Variants in NPAS3 observed in about 807,000 individuals in gnomAD.
The protein encoded by NPAS3 is neuronal PAS domain-containing protein 3.
A neutral mutation model predicts 73.1 loss-of-function variants in NPAS3; 14 were observed. The ratio of observed to expected loss-of-function variants is 0.19; its 90% CI spans 0.13 to 0.30. The LOEUF is 0.30. NPAS3 is among the 10% of genes least tolerant of loss of function. The pLI is 1.00. For missense variants in NPAS3, 1,096 were observed against 1,250.0 expected (o/e 0.88, Z 1.86); for synonymous variants, 620 against 541.5 (o/e 1.14, Z -2.01).
intron 1 of NPAS3, among the ~76,000 whole-genome samples, chr14:33,038,553 A>AT: frequency 6.6e-6 from 1 of 151,984 alleles, no homozygotes; most frequent in Non-Finnish European, 1.5e-5. Context: ...ATATATATAT[A>AT]AAATGATATA....
At chr14:33,259,647 A>T (rs1333327490) in intron 3 of NPAS3, among the ~76,000 whole-genome samples, 1 of 152,146 alleles carries the variant, frequency 6.6e-6, no homozygotes, top group East Asian at 1.9e-4. Context: ...ATTTTAATAG[A>T]TTTTGTTCAT....
intron 9 of NPAS3, among the ~76,000 whole-genome samples, chr14:33,784,093 C>T (rs1259570479): frequency 1.3e-5 from 2 of 152,166 alleles, no homozygotes; most frequent in African/African-American, 4.8e-5. Context: ...TAAATATCAA[C>T]AGGAAAAATT....
intron 1 of NPAS3, among the ~76,000 whole-genome samples, chr14:32,974,728 C>G (rs528171504): frequency 1.2e-4 from 19 of 152,220 alleles, no homozygotes; most frequent in African/African-American, 3.6e-4. Context: ...GAGGTCCAGC[C>G]ACTTTCTTAC....
intron 3 of NPAS3, among the ~76,000 whole-genome samples, chr14:33,340,421 G>T (rs1030900579): frequency 1.3e-5 from 2 of 152,174 alleles, no homozygotes; most frequent in African/African-American, 4.8e-5. Flanking sequence ...CTTGAACCTG[G>T]GAGGCAGAGG....
At chr14:33,492,164 A>C (rs2051930006) in intron 4 of NPAS3, among the ~76,000 whole-genome samples, 1 of 152,166 alleles carries the variant, frequency 6.6e-6, no homozygotes, top group African/African-American at 2.4e-5. Context: ...GTGTAACCCC[A>C]TTAACATTAA....
intron 5 of NPAS3, among the ~76,000 whole-genome samples, chr14:33,631,866 T>C (rs1231068616): frequency 6.6e-6 from 1 of 152,248 alleles, no homozygotes; most frequent in Non-Finnish European, 1.5e-5. Flanking sequence ...AGCAGCAGGA[T>C]ACATTTGCGT....
intron 3 of NPAS3, among the ~76,000 whole-genome samples, chr14:33,236,808 A>G (rs907140986): frequency 6.6e-6 from 1 of 152,146 alleles, no homozygotes; most frequent in Admixed American, 6.6e-5. Flanking sequence ...TCAAAGATAT[A>G]TTCAAACAGT....
chr14:33,295,533 C>T (rs1018123442), intron 3 of NPAS3, among the ~76,000 whole-genome samples: 5 of 152,148 alleles, frequency 3.3e-5, no homozygotes, highest in African/African-American at 1.2e-4. Flanking sequence ...TAGTTATACA[C>T]AAGGAAGAGC....
intron 3 of NPAS3, among the ~76,000 whole-genome samples, chr14:33,240,805 C>A (rs949209079): frequency 6.6e-6 from 1 of 151,892 alleles, no homozygotes; most frequent in African/African-American, 2.4e-5. Context: ...TCTGTTACAG[C>A]CTTTTAATTT....
intron 2 of NPAS3, among the ~76,000 whole-genome samples, chr14:33,139,180 C>A (rs2043951885): frequency 6.6e-6 from 1 of 152,122 alleles, no homozygotes. Context: ...TCACAAATGG[C>A]TTGTCAAGCA....
chr14:33,233,596 T>C lies in NPAS3; in HGVS notation c.385+18170T>C, dbSNP rs183018576. Reference sequence around the variant, plus strand: ...CATTTAATCAAGTAGCAAAAGTAGATAAATAAACATACTGAGTTAATTATT... The same window carrying C: ...CATTTAATCAAGTAGCAAAAGTAGACAAATAAACATACTGAGTTAATTATT... On this transcript the variant is annotated intron_variant, in intron 3 of 11. Transcript: ENST00000356141. 3.5e-3 allele frequency among the ~76,000 whole-genome samples: 531 copies of C among 152,252 alleles called. 2 individuals carry two copies. The highest frequency in any genetic ancestry group is 0.012 in the African/African-American group (496 of 41,560).
chr14:33,779,439 T>C (rs12882349), intron 9 of NPAS3, among the ~76,000 whole-genome samples: 84,379 of 151,946 alleles, frequency 0.56, 23,740 homozygotes, highest in Admixed American at 0.63. Flanking sequence ...GAGTCTCCCC[T>C]ACCCCCTATC....
chr14:33,397,221 G>T (rs2047262822), intron 4 of NPAS3, among the ~76,000 whole-genome samples: 1 of 152,174 alleles, frequency 6.6e-6, no homozygotes, highest in African/African-American at 2.4e-5. Context: ...ACTCCTGGAA[G>T]AGAGGCTTAT....
chr14:33,197,829 T>C (rs1216039563), intron 2 of NPAS3, among the ~76,000 whole-genome samples: 1 of 152,248 alleles, frequency 6.6e-6, no homozygotes. Flanking sequence ...AACTGCTGTG[T>C]CCCACATTGG....
intron 4 of NPAS3, among the ~76,000 whole-genome samples, chr14:33,499,834 G>A (rs1439623274): frequency 2.6e-5 from 4 of 151,846 alleles, no homozygotes; most frequent in Admixed American, 2.6e-4. Context: ...TTGCTTTCCC[G>A]CTATTTCCAA....
At chr14:33,336,567 A>G (rs567802803) in intron 3 of NPAS3, among the ~76,000 whole-genome samples, 7 of 152,278 alleles carry the variant, frequency 4.6e-5, no homozygotes, top group Admixed American at 4.6e-4. Context: ...ACCCTTTTTT[A>G]AAGGGCTTAC....
chr14:33,231,801 T>A (rs2047861336), intron 3 of NPAS3, among the ~76,000 whole-genome samples: 1 of 152,206 alleles, frequency 6.6e-6, no homozygotes, highest in South Asian at 2.1e-4. Flanking sequence ...TCAAAGACTC[T>A]TTAAGTAAAC....
chr14:33,114,442 A>G (rs1165437078), intron 2 of NPAS3, among the ~76,000 whole-genome samples: 4 of 152,172 alleles, frequency 2.6e-5, no homozygotes, highest in Non-Finnish European at 5.9e-5. Flanking sequence ...TTCAAGCAGA[A>G]TGATGCCGTG....
chr14:33,582,428 A>C (rs1347363333), intron 5 of NPAS3, among the ~76,000 whole-genome samples: 1 of 152,182 alleles, frequency 6.6e-6, no homozygotes, highest in Admixed American at 6.5e-5. Context: ...TTGCTGTAGA[A>C]TTTGCACAGG....
Sources: gnomAD v4.1 joint callset for allele counts (sites outside exome capture counted in the v4.1 genomes callset) on GRCh38, gnomAD v4.1.1 for gene constraint, MANE v1.5 for transcripts, NCBI Gene and HGNC (gene_info 2026-07-23, HGNC 2026-07-21) for gene names.